Variants in GMPS observed in about 807,000 individuals in gnomAD.
GMPS encodes the protein GMP synthase [glutamine-hydrolyzing].
Under a neutral mutation model 77.9 loss-of-function variants are expected in GMPS, and 15 were observed. The observed-to-expected ratio is 0.19, with a 90% CI of 0.13 to 0.30. The LOEUF (loss-of-function observed/expected upper bound fraction) is 0.30. Among genes scored for constraint, GMPS ranks in the 10% least tolerant of loss-of-function variants. The pLI, the probability that GMPS is intolerant of heterozygous loss-of-function variation, is 1.00. For missense variants in GMPS, 590 were observed against 838.8 expected (o/e 0.70, Z 3.66); for synonymous variants, 224 against 275.9 (o/e 0.81, Z 1.86).
chr3:155,900,593 G>T (rs1182939785), intron 3 of GMPS, among the ~76,000 whole-genome samples: 1 of 152,062 alleles, frequency 6.6e-6, no homozygotes, highest in East Asian at 1.9e-4. Context: ...TTTAATTTAA[G>T]AGATAATGGC....
intron 3 of GMPS, among the ~76,000 whole-genome samples, chr3:155,900,248 C>A (rs1221944765): frequency 6.6e-6 from 1 of 151,838 alleles, no homozygotes; most frequent in Non-Finnish European, 1.5e-5. Flanking sequence ...TCTTTCCTTT[C>A]AAAGTTCTTT....
intron 4 of GMPS, 74 bp from the exon 5 acceptor site, chr3:155,906,086 T>C (rs1023221832): frequency 2.4e-6 from 2 of 838,716 alleles, no homozygotes; most frequent in South Asian, 2.1e-5. Context: ...CAAGCTTGTG[T>C]TTCTAAAACA....
chr3:155,888,670 T>TCACCTC (rs1674168459), intron 1 of GMPS, among the ~76,000 whole-genome samples: 1 of 151,646 alleles, frequency 6.6e-6, no homozygotes. Context: ...GCTGCAACCT[T>TCACCTC]CACCTCCAAG....
At chr3:155,919,208 T>A in intron 9 of GMPS, 25 bp from the exon 10 acceptor site, 1 of 1,024,414 alleles carries the variant, frequency 9.8e-7, no homozygotes, top group South Asian at 1.4e-5. Context: ...TAGTTTATAT[T>A]GGTTGGCTTC....
Position 155,879,338 on chromosome 3 carries a change from G to A in GMPS, c.27+8441G>A, listed in dbSNP as rs547607153. On this transcript the variant is annotated intron_variant, in intron 1 of 15. Coordinates refer to ENST00000496455, the MANE Select transcript of GMPS (RefSeq NM_003875.3). ...GCTGGACTGCAGTGGTGCTATCTCAGCTCACTGCAACCTCCACCTCCCCAG... is the reference window on the plus strand; with the variant it reads ...GCTGGACTGCAGTGGTGCTATCTCAACTCACTGCAACCTCCACCTCCCCAG... Among the ~76,000 whole-genome samples, 617 of 144,452 alleles carry A rather than the reference G, an allele frequency of 4.3e-3. 7 individuals carry two copies. The highest frequency in any genetic ancestry group is 7.7e-3 in the Non-Finnish European group (519 of 67,190). The allele number at this position is 144,452 out of a possible 152,430, so 94.8% of individuals were successfully genotyped here.
chr3:155,885,923 T>G (rs1209015919), intron 1 of GMPS, among the ~76,000 whole-genome samples: 1 of 152,100 alleles, frequency 6.6e-6, no homozygotes, highest in Non-Finnish European at 1.5e-5. Context: ...TGGGTTCAAG[T>G]GATTCTAGTG....
chr3:155,929,920 G>T (rs1365939733), intron 12 of GMPS, among the ~76,000 whole-genome samples: 3 of 141,942 alleles, frequency 2.1e-5, no homozygotes, highest in Admixed American at 1.4e-4. Flanking sequence ...AATCAATATC[G>T]TGAAAATGGC....
intron 8 of GMPS, 148 bp downstream of exon 8, chr3:155,914,718 T>C (rs1340291397): frequency 6.1e-6 from 3 of 492,688 alleles, no homozygotes; most frequent in African/African-American, 6.0e-5. Context: ...ATATTGTCAT[T>C]ATATTGACCA....
intron 3 of GMPS, among the ~76,000 whole-genome samples, chr3:155,903,262 T>C (rs1431874236): frequency 1.1e-4 from 16 of 152,206 alleles, no homozygotes; most frequent in Admixed American, 9.8e-4. Flanking sequence ...AGAAGATTGA[T>C]TAACAGTGGA....
chr3:155,887,716 T>C (rs776992305), intron 1 of GMPS, among the ~76,000 whole-genome samples: 3 of 152,210 alleles, frequency 2.0e-5, no homozygotes, highest in Non-Finnish European at 4.4e-5. Context: ...TGTAGTTACA[T>C]AGGAGATTGT....
At position 155,931,859 on chromosome 3, in the gene GMPS, G is replaced by A. The variant is rs768652679; in HGVS notation, c.1655G>A (p.Arg552His). The A allele has an allele frequency of 3.2e-5, 49 of 1,548,220 alleles. No individual in the cohort carries two copies. Among genetic ancestry groups the A allele is most frequent in the South Asian group, 2.9e-4 (26 of 89,678 alleles). The part of the protein sequence containing the change: ...SLIFLARLIP[R>H]MCHNVNRVVY... Reference sequence around the variant, plus strand: ...ATTTTTCTGGCTAGGCTTATACCTCGCATGTGTCACAACGTTAACAGGTGT... The same window carrying A: ...ATTTTTCTGGCTAGGCTTATACCTCACATGTGTCACAACGTTAACAGGTGT... Residue 552 changes from arginine to histidine, a missense_variant, in exon 13 of 16, where the codon CGC becomes CAC. Transcript: ENST00000496455.
Position 155,940,604 on chromosome 3 carries a change from T to C in GMPS, c.*2912T>C, listed in dbSNP as rs1755862837. The stretch of plus-strand genomic sequence containing the variant: ...CTGCCGTTAAACAACAATGTGAACT[T>C]GGTCAAGTCATTTCTGTTCTTTATC... On this transcript the variant is annotated 3_prime_UTR_variant, in exon 16 of 16. Coordinates refer to ENST00000496455, the MANE Select transcript of GMPS (RefSeq NM_003875.3). 3.2e-5 allele frequency: 7 copies of C among 218,534 alleles called. No individual in the cohort carries two copies. In the Admixed American group the frequency reaches 4.1e-4, roughly 13 times the overall value. The allele number at this position is 218,534 out of a possible 1,614,324, so 13.5% of individuals were successfully genotyped here. A position where few individuals can be genotyped will look rare whatever the true frequency, so the allele number is the denominator to read the frequency against.
intron 11 of GMPS, among the ~76,000 whole-genome samples, chr3:155,923,193 A>C (rs1755360598): frequency 6.6e-6 from 1 of 152,150 alleles, no homozygotes; most frequent in Non-Finnish European, 1.5e-5. Flanking sequence ...ATTTGAAAAT[A>C]ATCTAAGTTC....
Position 155,902,759 on chromosome 3 carries a change from T to C in GMPS, c.325-1104T>C, listed in dbSNP as rs145135683. On this transcript the variant is annotated intron_variant, in intron 3 of 15. Transcript: ENST00000496455. ...CATTGGTAGGTCTCTAGAATATTGCTGGAAGATGGGCAAGACTAGAGTCAA... is the reference window on the plus strand; with the variant it reads ...CATTGGTAGGTCTCTAGAATATTGCCGGAAGATGGGCAAGACTAGAGTCAA... 4.7e-3 allele frequency among the ~76,000 whole-genome samples: 713 copies of C among 152,358 alleles called. 12 individuals are homozygous for C. Among genetic ancestry groups the C allele is most frequent in the African/African-American group, 0.016 (662 of 41,600 alleles).
chr3:155,896,610 G>C (rs536607602), intron 2 of GMPS, among the ~76,000 whole-genome samples: 1 of 150,780 alleles, frequency 6.6e-6, no homozygotes, highest in South Asian at 2.1e-4. Flanking sequence ...TTGTAGACAT[G>C]GGGTTTTGCC....
At chr3:155,920,598 AAAAAG>A (rs1466624857) in intron 10 of GMPS, among the ~76,000 whole-genome samples, 2 of 150,304 alleles carry the variant, frequency 1.3e-5, no homozygotes, top group South Asian at 2.1e-4. Flanking sequence ...AAGAAAAAAA[AAAAAG>A]AAAAGAATGA....
chr3:155,900,556 T>C (rs946134492), intron 3 of GMPS, among the ~76,000 whole-genome samples: 1 of 152,186 alleles, frequency 6.6e-6, no homozygotes, highest in Admixed American at 6.5e-5. Context: ...GGCCTACTTA[T>C]AGTGAAATAC....
At chr3:155,932,394 C>CAAAGA (rs1232867397) in intron 13 of GMPS, among the ~76,000 whole-genome samples, 1 of 151,406 alleles carries the variant, frequency 6.6e-6, no homozygotes, top group Non-Finnish European at 1.5e-5. Context: ...GGAAAAAAAT[C>CAAAGA]AAAGAAAAGA....
At chr3:155,886,755 C>G (rs75983356) in intron 1 of GMPS, among the ~76,000 whole-genome samples, 8,230 of 151,654 alleles carry the variant, frequency 0.054, 311 homozygotes, top group East Asian at 0.18. Flanking sequence ...ATCCACCCGC[C>G]TCAGCCTCCC....
Sources: allele counts gnomAD v4.1 joint callset (sites outside exome capture counted in the v4.1 genomes callset), GRCh38; gene constraint gnomAD v4.1.1; transcripts MANE v1.5; gene names NCBI Gene and HGNC (gene_info 2026-07-23, HGNC 2026-07-21).